Variants in MSH3 observed in about 807,000 individuals in gnomAD.
MSH3 encodes mutS homolog 3.
In MSH3, 106 loss-of-function variants were observed where a neutral mutation model predicts 123.3. The observed-to-expected ratio is 0.86, with a 90% confidence interval of 0.73 to 1.01. MSH3 has a LOEUF of 1.01. Among genes scored for constraint, MSH3 ranks in the 50% least tolerant of loss-of-function variants. The probability of loss-of-function intolerance (pLI) is 0.00; values close to 1 mark genes in which losing one functional copy is unlikely to be tolerated. For missense variants in MSH3, 1,459 were observed against 1,347.6 expected (o/e 1.08, Z -1.29); for synonymous variants, 515 against 481.4 (o/e 1.07, Z -0.91).
At chr5:80,791,503 T>C (rs945174298) in intron 18 of MSH3, among the ~76,000 whole-genome samples, 7 of 152,192 alleles carry the variant, frequency 4.6e-5, no homozygotes, top group Non-Finnish European at 1.0e-4. Context: ...CAGAATGTCT[T>C]ACCCATTTCA....
Position 80,738,859 on chromosome 5 carries a change from G to T in MSH3, c.1569-2605G>T, listed in dbSNP as rs1743561666. Among the ~76,000 whole-genome samples, 3 of 152,198 alleles carry T rather than the reference G, an allele frequency of 2.0e-5. No individual in the cohort carries two copies. The South Asian group carries it at 6.2e-4, about 31-fold the overall frequency. On this transcript the variant is annotated intron_variant, in intron 10 of 23. Transcript: ENST00000265081. ...ATTAGGTTATGAGGGCAGATCGTTTGTAAATGGGATTAATGCCCTTATATT... is the reference window on the plus strand; with the variant it reads ...ATTAGGTTATGAGGGCAGATCGTTTTTAAATGGGATTAATGCCCTTATATT...
At chr5:80,841,256 A>C (rs903251499) in intron 20 of MSH3, among the ~76,000 whole-genome samples, 1 of 152,224 alleles carries the variant, frequency 6.6e-6, no homozygotes, top group African/African-American at 2.4e-5. Flanking sequence ...ATGGCTGCAT[A>C]GTATTCCATG....
intron 12 of MSH3, among the ~76,000 whole-genome samples, chr5:80,757,066 C>T (rs907484025): frequency 6.6e-6 from 1 of 152,026 alleles, no homozygotes; most frequent in African/African-American, 2.4e-5. Flanking sequence ...GCTCCCCACC[C>T]CCACCAGACA....
At chr5:80,817,871 A>G (rs567944970) in intron 20 of MSH3, among the ~76,000 whole-genome samples, 1 of 152,298 alleles carries the variant, frequency 6.6e-6, no homozygotes, top group East Asian at 1.9e-4. Context: ...ACCAGACATT[A>G]GGTAAAAGTT....
intron 8 of MSH3, among the ~76,000 whole-genome samples, chr5:80,722,818 A>G (rs888460557): frequency 4.6e-5 from 7 of 152,194 alleles, no homozygotes; most frequent in Admixed American, 3.3e-4. Flanking sequence ...TAAAATACCA[A>G]TAAGGGCTGG....
At chr5:80,818,887 T>G (rs1745151904) in intron 20 of MSH3, among the ~76,000 whole-genome samples, 1 of 152,222 alleles carries the variant, frequency 6.6e-6, no homozygotes, top group Non-Finnish European at 1.5e-5. Flanking sequence ...TTTTATAAGT[T>G]TTTTTGTTAT....
At chr5:80,840,259 A>G (rs1204030260) in intron 20 of MSH3, among the ~76,000 whole-genome samples, 2 of 152,174 alleles carry the variant, frequency 1.3e-5, no homozygotes, top group African/African-American at 2.4e-5. Context: ...ATTCTAAGGT[A>G]CTAAACTTTG....
At chr5:80,681,595 TTTGA>T (rs1303899067) in intron 8 of MSH3, among the ~76,000 whole-genome samples, 1 of 151,706 alleles carries the variant, frequency 6.6e-6, no homozygotes, top group Non-Finnish European at 1.5e-5. Flanking sequence ...ATTTCCTGTC[TTTGA>T]TTTAGTTCAT....
At chr5:80,656,363 C>G (rs868373313) in intron 1 of MSH3, 48 bp from the exon 2 acceptor site, 3 of 1,612,132 alleles carry the variant, frequency 1.9e-6, no homozygotes, top group Middle Eastern at 3.3e-4. Flanking sequence ...TACGTCAGGC[C>G]TTCTCAGAGT....
At chr5:80,727,926 C>G (rs886755861) in intron 9 of MSH3, among the ~76,000 whole-genome samples, 1 of 151,826 alleles carries the variant, frequency 6.6e-6, no homozygotes, top group Non-Finnish European at 1.5e-5. Flanking sequence ...GGAAAAGAGC[C>G]ATATAGACAT....
intron 22 of MSH3, among the ~76,000 whole-genome samples, chr5:80,869,837 TATATACAC>T (rs1746177195): frequency 1.6e-4 from 9 of 55,330 alleles, no homozygotes; most frequent in East Asian, 1.3e-3. Context: ...TATATACATA[TATATACAC>T]ACACACACAC....
At chr5:80,679,175 A>G (rs2112819325) in intron 8 of MSH3, 82 bp downstream of exon 8, 1 of 1,415,420 alleles carries the variant, frequency 7.1e-7, no homozygotes, top group Admixed American at 1.7e-5. Context: ...TAAAGTTGCT[A>G]AAAATAGTTT....
intron 22 of MSH3, among the ~76,000 whole-genome samples, chr5:80,869,675 T>C (rs1378767530): frequency 2.6e-5 from 4 of 151,586 alleles, no homozygotes; most frequent in African/African-American, 9.7e-5. Context: ...TTCAGAGCAG[T>C]GAAATATTTT....
rs952709385 is a variant in MSH3, at chr5:80,838,994, T to C, written c.2814-15136T>C. ...AGGCCTTAGCCCTAAAATAAGAATT[T>C]GCAAACTTCTAGTGACAGTACTCAA... On this transcript the variant is annotated intron_variant, in intron 20 of 23. Transcript: ENST00000265081. Among the ~76,000 whole-genome samples, 8 of 152,224 alleles carry C rather than the reference T, an allele frequency of 5.3e-5. No homozygotes were observed. In the East Asian group the frequency reaches 5.8e-4, roughly 11 times the overall value.
In MSH3 at chr5:80,869,831, TACATATATATAC is replaced by T. The variant is rs1403824191; in HGVS notation, c.3131-3281_3131-3270del. 6.4e-3 allele frequency among the ~76,000 whole-genome samples: 313 copies of T among 48,816 alleles called. 2 individuals carry two copies. The highest frequency in any genetic ancestry group is 8.8e-3 in the Non-Finnish European group (233 of 26,556). 32.0% of individuals were successfully genotyped at this position (48,816 alleles called of 152,430 possible). A position where few individuals can be genotyped will look rare whatever the true frequency, so the allele number is the denominator to read the frequency against. ...ATATATACATATATATATACATATATACATATATATACACACACACACACACACACACTATAT... is the reference window on the plus strand; with the variant it reads ...ATATATACATATATATATACATATATACACACACACACACACACACTATAT... On this transcript the variant is annotated intron_variant, in intron 22 of 23. Coordinates refer to ENST00000265081, the MANE Select transcript of MSH3 (RefSeq NM_002439.5).
intron 8 of MSH3, among the ~76,000 whole-genome samples, chr5:80,705,789 C>A (rs529597354): frequency 6.6e-6 from 1 of 152,300 alleles, no homozygotes; most frequent in East Asian, 1.9e-4. Context: ...TTCCTCCATG[C>A]ATGTCTCTGT....
intron 11 of MSH3, among the ~76,000 whole-genome samples, chr5:80,743,041 C>T (rs1436343440): frequency 6.6e-6 from 1 of 152,120 alleles, no homozygotes; most frequent in Non-Finnish European, 1.5e-5. Context: ...TGTCTTTGTA[C>T]TTCAACTTCA....
intron 20 of MSH3, among the ~76,000 whole-genome samples, chr5:80,827,218 T>C (rs1411928071): frequency 6.6e-6 from 1 of 152,262 alleles, no homozygotes; most frequent in East Asian, 1.9e-4. Context: ...AATTTATTTC[T>C]ATTAAACGTT....
At chr5:80,822,600 T>C (rs1745220646) in intron 20 of MSH3, among the ~76,000 whole-genome samples, 1 of 152,218 alleles carries the variant, frequency 6.6e-6, no homozygotes, top group Non-Finnish European at 1.5e-5. Flanking sequence ...AGAATAAGTT[T>C]TGAAAGGATG....
Sources: allele counts gnomAD v4.1 joint callset (sites outside exome capture counted in the v4.1 genomes callset), GRCh38; gene constraint gnomAD v4.1.1; transcripts MANE v1.5; gene names NCBI Gene and HGNC (gene_info 2026-07-23, HGNC 2026-07-21).